Variants in ORC5 observed in about 807,000 individuals in gnomAD.
The protein encoded by ORC5 is protein phosphatase 1, regulatory subunit 117.
ORC5 carries 39 observed loss-of-function variants against 58.8 expected under a neutral mutation model. That is an observed-to-expected ratio of 0.66 (90% CI 0.51 to 0.87). ORC5 has a LOEUF of 0.87. ORC5 is among the 40% of genes least tolerant of loss of function. ORC5 has a pLI of 0.00. For missense variants in ORC5, 493 were observed against 506.3 expected (o/e 0.97, Z 0.25); for synonymous variants, 218 against 177.6 (o/e 1.23, Z -1.81).
chr7:104,148,270 T>A (rs1269553792), intron 12 of ORC5, among the ~76,000 whole-genome samples: 1 of 152,194 alleles, frequency 6.6e-6, no homozygotes, highest in African/African-American at 2.4e-5. Flanking sequence ...GAATACTATC[T>A]GAATCCAAAG....
chr7:104,141,019 T>C (rs1368074641), intron 12 of ORC5, among the ~76,000 whole-genome samples: 1 of 152,130 alleles, frequency 6.6e-6, no homozygotes. Context: ...TGCCAGAAAC[T>C]CACCTGACTA....
intron 8 of ORC5, among the ~76,000 whole-genome samples, chr7:104,176,943 CTTTG>C (rs1456831919): frequency 4.6e-5 from 7 of 152,136 alleles, no homozygotes; most frequent in African/African-American, 9.7e-5. Flanking sequence ...ACAGAACAAT[CTTTG>C]TTTGTGTAAC....
chr7:104,176,567 C>G (rs1799326131), intron 8 of ORC5, among the ~76,000 whole-genome samples: 1 of 152,216 alleles, frequency 6.6e-6, no homozygotes, highest in African/African-American at 2.4e-5. Context: ...GTCAGTTGTG[C>G]CTAAGCTCTA....
chr7:104,167,442 A>G (rs1249780861), intron 9 of ORC5, among the ~76,000 whole-genome samples: 4 of 152,182 alleles, frequency 2.6e-5, no homozygotes, highest in African/African-American at 9.7e-5. Context: ...AGCATTTTCT[A>G]TTTGGAAGTT....
chr7:104,189,298 G>A (rs539119675), intron 5 of ORC5, among the ~76,000 whole-genome samples: 1 of 152,274 alleles, frequency 6.6e-6, no homozygotes, highest in Admixed American at 6.5e-5. Flanking sequence ...CAGGGCAGTA[G>A]GAGAGAGAAT....
rs374450508 is a variant in ORC5 at position 104,161,113 on chromosome 7, C to T, written c.1108G>A (p.Val370Met). 9.3e-6 allele frequency: 15 copies of T among 1,608,678 alleles called. No individual in the cohort carries two copies. Among genetic ancestry groups the T allele is most frequent in the Middle Eastern group, 1.7e-4 (1 of 6,054 alleles). Residue 370 changes from valine (V) to methionine (M), a missense_variant, in exon 12 of 14, where the codon GTG becomes ATG. Physicochemically the swap from Val to Met is conservative, Grantham distance 21. Transcript: ENST00000297431. ...DRLLAILYSI[V>M]DSRVAPTANI... ...GCTGTTGGAGCAACTCTGCTGTCCA[C>T]GATACTATATAATATTGCTAATAAT...
intron 12 of ORC5, among the ~76,000 whole-genome samples, chr7:104,139,234 A>G (rs2115762408): frequency 6.6e-6 from 1 of 152,354 alleles, no homozygotes; most frequent in East Asian, 1.9e-4. Context: ...TAAACATCCC[A>G]TGAATAATAA....
intron 5 of ORC5, among the ~76,000 whole-genome samples, chr7:104,190,435 G>A (rs962365864): frequency 1.3e-5 from 2 of 151,918 alleles, no homozygotes; most frequent in African/African-American, 2.4e-5. Flanking sequence ...ATTCCCCCTT[G>A]TATAAAACGT....
At chr7:104,135,015 G>C (rs1027274338) in intron 13 of ORC5, among the ~76,000 whole-genome samples, 7 of 152,116 alleles carry the variant, frequency 4.6e-5, no homozygotes, top group African/African-American at 1.4e-4. Context: ...CTTCTGAGGT[G>C]GTAAATGAAA....
chr7:104,206,263 T>C (rs1050525441), intron 1 of ORC5, among the ~76,000 whole-genome samples: 5 of 152,226 alleles, frequency 3.3e-5, no homozygotes, highest in African/African-American at 1.2e-4. Flanking sequence ...AAATGAGTAT[T>C]CTTAGAAACA....
intron 12 of ORC5, among the ~76,000 whole-genome samples, chr7:104,146,350 A>G (rs1251345201): frequency 6.6e-6 from 1 of 152,226 alleles, no homozygotes; most frequent in Non-Finnish European, 1.5e-5. Flanking sequence ...CATAAAAACT[A>G]GTACATGAAT....
chr7:104,201,273 A>C (rs1031617160), intron 2 of ORC5, among the ~76,000 whole-genome samples: 1 of 152,102 alleles, frequency 6.6e-6, no homozygotes, highest in African/African-American at 2.4e-5. Flanking sequence ...CTTCTACCAA[A>C]GATCAAGTTG....
At chr7:104,134,586 A>C (rs146254808) in intron 13 of ORC5, among the ~76,000 whole-genome samples, 1 of 152,154 alleles carries the variant, frequency 6.6e-6, no homozygotes, top group African/African-American at 2.4e-5. Flanking sequence ...CCACATTTTT[A>C]TAAGAAGTTG....
intron 11 of ORC5, among the ~76,000 whole-genome samples, chr7:104,161,464 C>G (rs778957535): frequency 6.6e-5 from 10 of 152,076 alleles, no homozygotes; most frequent in Non-Finnish European, 1.3e-4. Flanking sequence ...TTCCTGGGCT[C>G]AAGCCATCCT....
intron 1 of ORC5, among the ~76,000 whole-genome samples, chr7:104,205,902 G>C (rs1482570103): frequency 2.6e-5 from 4 of 152,120 alleles, no homozygotes; most frequent in Admixed American, 1.3e-4. Context: ...CCAGCTACTC[G>C]GAGGCTGAGG....
At chr7:104,201,689 A>T in intron 2 of ORC5, among the ~76,000 whole-genome samples, 1 of 151,714 alleles carries the variant, frequency 6.6e-6, no homozygotes, top group Non-Finnish European at 1.5e-5. Flanking sequence ...CTTAATAGGA[A>T]TTTCACACTT....
At position 104,184,000 on chromosome 7, in the gene ORC5, T is replaced by A; in HGVS notation, c.767A>T (p.Asn256Ile). ...AGCTTTCTTCAAATGAGGTTCAATA[T>A]TTCTCCACAGTTTGCGAGTATCACG... ...SERDTRKLWRNIEPHLKKAMQ... is the reference protein window; with the variant it reads ...SERDTRKLWRIIEPHLKKAMQ... Residue 256 changes from asparagine (N) to isoleucine (I), a missense_variant, in exon 8 of 14, where the codon AAT becomes ATT. This residue lies in a region of ORC5 where 412 missense variants were observed against 403.7 expected (regional missense o/e 1.02). Coordinates refer to ENST00000297431, the MANE Select transcript of ORC5 (RefSeq NM_002553.4). The A allele has an allele frequency of 1.9e-6, 3 of 1,613,760 alleles. No individual in the cohort carries two copies. The highest frequency in any genetic ancestry group is 2.5e-6 in the Non-Finnish European group (3 of 1,179,864).
chr7:104,198,817 T>C (rs1021000641), intron 3 of ORC5, among the ~76,000 whole-genome samples: 3 of 152,198 alleles, frequency 2.0e-5, no homozygotes, highest in African/African-American at 7.2e-5. Flanking sequence ...GCCCATCCCA[T>C]TACAGGCCCA....
intron 5 of ORC5, among the ~76,000 whole-genome samples, chr7:104,191,954 C>T (rs188406600): frequency 2.0e-5 from 3 of 152,204 alleles, no homozygotes; most frequent in East Asian, 3.9e-4. Flanking sequence ...AAAAACTGGA[C>T]ACACTATAGA....
Sources: gnomAD v4.1 joint callset for allele counts (sites outside exome capture counted in the v4.1 genomes callset) on GRCh38, gnomAD v4.1.1 for gene constraint, gnomAD v4.1.1 regional missense constraint, MANE v1.5 for transcripts, NCBI Gene and HGNC (gene_info 2026-07-23, HGNC 2026-07-21) for gene names.